Variants in EXTL3 observed in about 807,000 individuals in gnomAD.
EXTL3 encodes the protein exostosin-like 3.
A neutral mutation model predicts 69.3 loss-of-function variants in EXTL3; 27 were observed. The observed-to-expected ratio is 0.39, with a 90% CI of 0.29 to 0.54. The LOEUF is 0.54. Ranked by LOEUF, EXTL3 falls within the 20% of genes least tolerant of loss-of-function variation. The probability of loss-of-function intolerance (pLI) is 0.69; values close to 1 mark genes in which losing one functional copy is unlikely to be tolerated. For missense variants in EXTL3, 1,003 were observed against 1,231.8 expected (o/e 0.81, Z 2.78); for synonymous variants, 511 against 499.4 (o/e 1.02, Z -0.31).
intron 1 of EXTL3, among the ~76,000 whole-genome samples, chr8:28,646,525 G>A (rs1229540840): frequency 6.6e-6 from 1 of 152,174 alleles, no homozygotes; most frequent in Non-Finnish European, 1.5e-5. Flanking sequence ...CCTAGCAGAT[G>A]TATTAAAAGT....
intron 1 of EXTL3, among the ~76,000 whole-genome samples, chr8:28,667,858 T>TAA (rs879703751): frequency 7.2e-6 from 1 of 138,138 alleles, no homozygotes; most frequent in South Asian, 2.3e-4. Flanking sequence ...AATTAAAGTA[T>TAA]AAAAAAAAAA....
intron 1 of EXTL3, among the ~76,000 whole-genome samples, chr8:28,627,298 T>C (rs1275970546): frequency 1.3e-5 from 2 of 151,978 alleles, no homozygotes; most frequent in Non-Finnish European, 2.9e-5. Context: ...CACTTGAGAC[T>C]GGGCAACGTG....
chr8:28,611,363 G>A (rs938590425), intron 2 of EXTL3, among the ~76,000 whole-genome samples: 10 of 152,048 alleles, frequency 6.6e-5, no homozygotes, highest in Non-Finnish European at 1.3e-4. Context: ...TGAGGTGGGA[G>A]GATCACTTTG....
At chr8:28,658,124 C>T (rs111498726) in intron 1 of EXTL3, among the ~76,000 whole-genome samples, 5 of 152,188 alleles carry the variant, frequency 3.3e-5, no homozygotes, top group African/African-American at 9.7e-5. Context: ...GCAGAAGCCA[C>T]GTGGTCCTGC....
At chr8:28,747,228 G>A (rs1184779251) in intron 6 of EXTL3, among the ~76,000 whole-genome samples, 1 of 152,204 alleles carries the variant, frequency 6.6e-6, no homozygotes, top group African/African-American at 2.4e-5. Flanking sequence ...CCTACATCCT[G>A]CTCCAGTGGG....
At chr8:28,747,371 A>G (rs1801908822) in intron 6 of EXTL3, among the ~76,000 whole-genome samples, 1 of 152,172 alleles carries the variant, frequency 6.6e-6, no homozygotes, top group Non-Finnish European at 1.5e-5. Context: ...GACTGTCCAG[A>G]GACTCGGTTC....
At chr8:28,655,642 C>G (rs369996414) in intron 1 of EXTL3, among the ~76,000 whole-genome samples, 24 of 151,912 alleles carry the variant, frequency 1.6e-4, no homozygotes, top group African/African-American at 5.1e-4. Flanking sequence ...CAGGTGTGTG[C>G]CACCACACCT....
At chr8:28,614,631 G>T (rs1289270463) in intron 2 of EXTL3, among the ~76,000 whole-genome samples, 1 of 152,072 alleles carries the variant, frequency 6.6e-6, no homozygotes, top group Non-Finnish European at 1.5e-5. Context: ...AGCTTAGGTT[G>T]CTGGTTTTGG....
chr8:28,674,587 G>A (rs1807349485), intron 1 of EXTL3, among the ~76,000 whole-genome samples: 1 of 152,180 alleles, frequency 6.6e-6, no homozygotes, highest in Non-Finnish European at 1.5e-5. Context: ...GTCAAATGCA[G>A]AACCTCATCC....
chr8:28,682,658 G>C (rs1425401245), intron 1 of EXTL3, among the ~76,000 whole-genome samples: 1 of 152,114 alleles, frequency 6.6e-6, no homozygotes, highest in Admixed American at 6.5e-5. Flanking sequence ...TGGCCAGGCT[G>C]GTCCTAAACT....
chr8:28,753,334 C>T lies in EXTL3; in HGVS notation c.*2468C>T, dbSNP rs367639811. Reference sequence around the variant, plus strand: ...CGCCCCTGGCCACCTTGTCCTGGCTCGCAGGGTGCAGGAGCGCCTCGTTCT... The same window carrying T: ...CGCCCCTGGCCACCTTGTCCTGGCTTGCAGGGTGCAGGAGCGCCTCGTTCT... On this transcript the variant is annotated 3_prime_UTR_variant, in exon 7 of 7. Transcript: ENST00000220562. The T allele has an allele frequency of 2.6e-5, 4 of 152,300 alleles. No homozygotes were observed. In the East Asian group the frequency reaches 5.8e-4, roughly 22 times the overall value. 9.4% of individuals were successfully genotyped at this position (152,300 alleles called of 1,614,324 possible).
Position 28,716,077 on chromosome 8 carries a change from G to T in EXTL3, c.18G>T (p.Met6Ile). The T allele has an allele frequency of 6.2e-7, 1 of 1,608,994 alleles. No individual in the cohort carries two copies. Residue 6 changes from methionine (M) to isoleucine (I), a missense_variant, in exon 3 of 7, where the codon ATG becomes ATT. Around this residue, in one of 2 missense-constraint regions of EXTL3, gnomAD observed 742 missense variants for 815.4 expected, o/e 0.91. Coordinates refer to ENST00000220562, the MANE Select transcript of EXTL3 (RefSeq NM_001440.4). The surrounding 1 kb of genome is among the most constrained non-coding windows in gnomAD (Gnocchi z 7.1). The stretch of plus-strand genomic sequence containing the variant: ...GAGGACTCATGACAGGCTATACCAT[G>T]CTGCGGAATGGGGGCGCGGGGAACG... MTGYT[M>I]LRNGGAGNGG... is the part of the protein sequence containing the mutation.
upstream of EXTL3, among the ~76,000 whole-genome samples, chr8:28,621,856 GTGTT>G (rs1057220121): frequency 6.6e-6 from 1 of 152,184 alleles, no homozygotes; most frequent in Non-Finnish European, 1.5e-5. Context: ...TGTCTTGTGT[GTGTT>G]TGTCACTTAA....
intron 1 of EXTL3, among the ~76,000 whole-genome samples, chr8:28,646,011 C>T (rs536915341): frequency 8.5e-5 from 13 of 152,094 alleles, no homozygotes; most frequent in Middle Eastern, 3.4e-3. Context: ...CACAGGCGTG[C>T]GCCACCACAC....
intron 1 of EXTL3, among the ~76,000 whole-genome samples, chr8:28,658,875 C>T (rs1807057659): frequency 6.6e-6 from 1 of 152,182 alleles, no homozygotes; most frequent in Non-Finnish European, 1.5e-5. Context: ...GCCACTGCAC[C>T]CGGCCCTCCT....
At chr8:28,744,267 C>G (rs1009934902) in intron 6 of EXTL3, among the ~76,000 whole-genome samples, 3 of 152,226 alleles carry the variant, frequency 2.0e-5, no homozygotes, top group Admixed American at 2.0e-4. Context: ...GAAGGGTCAA[C>G]AAACTAATGA....
In EXTL3 at chr8:28,672,418, G is replaced by A. The variant is rs183568400; in HGVS notation, c.-52-41039G>A. Among the ~76,000 whole-genome samples, 259 of 148,952 alleles carry A rather than the reference G, an allele frequency of 1.7e-3. 6 individuals carry two copies. The East Asian group carries it at 0.044, about 25-fold the overall frequency. On this transcript the variant is annotated intron_variant, in intron 1 of 6. Coordinates refer to the EXTL3 transcript ENST00000523149. ...GGGCAACCGAGCGAGACTCCTTCTC[G>A]GGGTGGGGGGGCGGGGGGAGAAAGA... is the stretch of plus-strand genomic sequence containing the variant.
At chr8:28,719,933 C>G (rs920583450) in intron 3 of EXTL3, among the ~76,000 whole-genome samples, 1 of 152,198 alleles carries the variant, frequency 6.6e-6, no homozygotes, top group African/African-American at 2.4e-5. Context: ...GTAGTCCTGA[C>G]TATTGGGCAG....
At chr8:28,684,851 A>G (rs939667107) in intron 1 of EXTL3, among the ~76,000 whole-genome samples, 6 of 117,534 alleles carry the variant, frequency 5.1e-5, no homozygotes, top group Admixed American at 8.4e-5. Flanking sequence ...AAATTTTGCT[A>G]TATTTTTTCT....
Sources: gnomAD v4.1 joint callset for allele counts (sites outside exome capture counted in the v4.1 genomes callset) on GRCh38, gnomAD v4.1.1 for gene constraint, gnomAD v4.1.1 regional missense constraint, Gnocchi (gnomAD v3.1) non-coding constraint, MANE v1.5 for transcripts, NCBI Gene and HGNC (gene_info 2026-07-23, HGNC 2026-07-21) for gene names.